The following KIF4A variants were observed in gnomAD, a reference collection of about 807,000 sequenced individuals.
KIF4A encodes the protein chromosome-associated kinesin KIF4A.
Under a neutral mutation model 105.9 loss-of-function variants are expected in KIF4A, and 7 were observed. That is an observed-to-expected ratio of 0.07 (90% CI 0.04 to 0.12). The LOEUF is 0.12. Among genes scored for constraint, KIF4A ranks in the 10% least tolerant of loss-of-function variants. The pLI is 1.00. For synonymous variants in KIF4A, 281 were observed against 331.3 expected, an observed-to-expected ratio of 0.85 and a Z score of 1.65; for missense variants, 558 against 929.2, an observed-to-expected ratio of 0.60 and a Z score of 5.19.
chrX:70,412,701 T>C (rs944429905), intron 28 of KIF4A, among the ~76,000 whole-genome samples: 7 of 111,635 alleles, frequency 6.3e-5, no homozygotes, highest in African/African-American at 2.3e-4. Context: ...AGTGGGCAGA[T>C]TACTTGAGCC....
chrX:70,378,170 G>C, intron 18 of KIF4A, among the ~76,000 whole-genome samples: 1 of 111,561 alleles, frequency 9.0e-6, no homozygotes, highest in Non-Finnish European at 1.9e-5. Context: ...ACAGTGTTTG[G>C]AGGGAATTTT....
intron 7 of KIF4A, among the ~76,000 whole-genome samples, chrX:70,308,051 C>T (rs2085834280): frequency 8.9e-6 from 1 of 112,201 alleles, no homozygotes; most frequent in Non-Finnish European, 1.9e-5. Flanking sequence ...GCCAGAGATG[C>T]AAAATTTATG....
chrX:70,316,954 G>T (rs758695995), intron 7 of KIF4A, among the ~76,000 whole-genome samples: 106 of 112,262 alleles, frequency 9.4e-4, no homozygotes, highest in African/African-American at 3.3e-3. Context: ...GATTTAACTG[G>T]ATGTTCTATA....
chrX:70,393,718 G>GT lies in KIF4A; in HGVS notation c.2233-1942dup, dbSNP rs201182676. 7.0e-3 allele frequency among the ~76,000 whole-genome samples: 620 copies of GT among 89,088 alleles called. 4 individuals carry two copies. The highest frequency in any genetic ancestry group is 0.042 in the Middle Eastern group (7 of 168). The allele number at this position is 89,088 out of a possible 115,157, so 77.4% of individuals were successfully genotyped here. A position where few individuals can be genotyped will look rare whatever the true frequency, so the allele number is the denominator to read the frequency against. On this transcript the variant is annotated intron_variant, in intron 20 of 30. Transcript: ENST00000374403. ...TTCTTTTTATTAATGTTAGTATGTT[G>GT]TTTTTTTTTTTGTCATGGTGTATTT... is the stretch of plus-strand genomic sequence containing the variant.
intron 28 of KIF4A, among the ~76,000 whole-genome samples, chrX:70,413,978 A>G (rs1045968768): frequency 1.8e-5 from 2 of 111,006 alleles, no homozygotes; most frequent in African/African-American, 6.5e-5. Flanking sequence ...CAGTGTGACT[A>G]GAATGTATCA....
intron 15 of KIF4A, among the ~76,000 whole-genome samples, chrX:70,356,951 G>A (rs146395479): frequency 1.8e-3 from 197 of 111,858 alleles, no homozygotes; most frequent in Middle Eastern, 0.014. Flanking sequence ...TTCTTGTATA[G>A]CTCTTTGTAT....
At chrX:70,365,149 C>A (rs763066865) in intron 15 of KIF4A, among the ~76,000 whole-genome samples, 2 of 111,751 alleles carry the variant, frequency 1.8e-5, no homozygotes, top group Non-Finnish European at 1.9e-5. Context: ...TGTGCTGAGA[C>A]GATGGAGTTT....
chrX:70,418,407 G>A (rs954438946), intron 29 of KIF4A, among the ~76,000 whole-genome samples: 5 of 111,887 alleles, frequency 4.5e-5, no homozygotes, highest in Non-Finnish European at 3.8e-5. Flanking sequence ...CTTCCAGGAA[G>A]TTAATCCTTT....
intron 22 of KIF4A, among the ~76,000 whole-genome samples, chrX:70,396,821 G>C (rs1037075598): frequency 8.9e-6 from 1 of 112,225 alleles, no homozygotes; most frequent in Non-Finnish European, 1.9e-5. Flanking sequence ...TGTAATCCCA[G>C]CATTTTGGGA....
chrX:70,304,390 C>CAA (rs2085817521), intron 7 of KIF4A, among the ~76,000 whole-genome samples: 7 of 99,065 alleles, frequency 7.1e-5, no homozygotes, highest in Admixed American at 5.7e-4. Flanking sequence ...AATAGTGCTG[C>CAA]AATAAACATA....
At chrX:70,324,245 G>A (rs781360915) in intron 7 of KIF4A, among the ~76,000 whole-genome samples, 1 of 112,150 alleles carries the variant, frequency 8.9e-6, no homozygotes, top group East Asian at 2.8e-4. Context: ...TCAAGATAAA[G>A]TTACCTCTTT....
chrX:70,379,732 A>C, intron 18 of KIF4A, among the ~76,000 whole-genome samples: 1 of 107,771 alleles, frequency 9.3e-6, no homozygotes, highest in Middle Eastern at 4.7e-3. Flanking sequence ...CGAAGGTTGC[A>C]GTGAGCCAAG....
intron 15 of KIF4A, among the ~76,000 whole-genome samples, chrX:70,354,419 A>G (rs2086043175): frequency 8.9e-6 from 1 of 112,438 alleles, no homozygotes; most frequent in African/African-American, 3.2e-5. Context: ...CTGTCCAGCT[A>G]TATCCTACTA....
rs1466015870 is a variant in KIF4A, at chrX:70,409,876, A to C, written c.3255+2801A>C. Among the ~76,000 whole-genome samples, 6 of 110,614 alleles carry C rather than the reference A, an allele frequency of 5.4e-5. No individual in the cohort carries two copies. In the South Asian group the frequency reaches 2.3e-3, roughly 43 times the overall value. ...AGGAATTTCCAAATATGAGGTGAAT[A>C]CAGGTATACTTGTCCTCAAGGAAAG... On this transcript the variant is annotated intron_variant, in intron 28 of 30. Coordinates refer to ENST00000374403, the MANE Select transcript of KIF4A (RefSeq NM_012310.5).
chrX:70,347,929 C>T (rs938025978), intron 13 of KIF4A, among the ~76,000 whole-genome samples: 3 of 76,514 alleles, frequency 3.9e-5, no homozygotes, highest in Admixed American at 3.2e-4. Context: ...GAGCCGAGAT[C>T]GCGCCACTGC....
At chrX:70,399,564 A>G (rs1438988201) in intron 22 of KIF4A, among the ~76,000 whole-genome samples, 1 of 110,335 alleles carries the variant, frequency 9.1e-6, no homozygotes, top group Non-Finnish European at 1.9e-5. Flanking sequence ...CTGGAGTAAT[A>G]TTGTCCAAAT....
chrX:70,368,938 C>T (rs1260349193), intron 15 of KIF4A, among the ~76,000 whole-genome samples: 1 of 112,022 alleles, frequency 8.9e-6, no homozygotes, highest in Non-Finnish European at 1.9e-5. Flanking sequence ...CTACTCAAGC[C>T]TAGGCAATGG....
At chrX:70,348,833 T>C (rs1042447910) in intron 13 of KIF4A, among the ~76,000 whole-genome samples, 1 of 112,113 alleles carries the variant, frequency 8.9e-6, no homozygotes, top group African/African-American at 3.3e-5. Flanking sequence ...AAACTGCCAT[T>C]GTCATCATGG....
intron 13 of KIF4A, among the ~76,000 whole-genome samples, chrX:70,349,892 G>A (rs1270378703): frequency 9.2e-5 from 9 of 98,148 alleles, no homozygotes; most frequent in Admixed American, 6.4e-4. Flanking sequence ...TAGACGGGGT[G>A]GCGGCCGGGC....
Sources: gnomAD v4.1 joint callset for allele counts (sites outside exome capture counted in the v4.1 genomes callset) on GRCh38, gnomAD v4.1.1 for gene constraint, MANE v1.5 for transcripts, NCBI Gene and HGNC (gene_info 2026-07-23, HGNC 2026-07-21) for gene names.